LMNA: variants seen among roughly 807,000 people sequenced by gnomAD.
LMNA encodes lamin A/C.
LMNA carries 20 observed loss-of-function variants against 70.4 expected under a neutral mutation model. The ratio of observed to expected loss-of-function variants is 0.28; its 90% CI spans 0.20 to 0.41. LMNA has a LOEUF of 0.41. LMNA is among the 10% of genes least tolerant of loss of function. The pLI is 1.00. For synonymous variants in LMNA, 339 were observed against 372.8 expected, an observed-to-expected ratio of 0.91 and a Z score of 1.04; for missense variants, 652 against 917.2, an observed-to-expected ratio of 0.71 and a Z score of 3.73.
At chr1:156,091,183 T>G (rs1004315105) in intron 3 of LMNA, 12 of 152,334 alleles carry the variant, frequency 7.9e-5, no homozygotes, top group African/African-American at 2.9e-4. Flanking sequence ...CCTGGCTTCA[T>G]GTCCAGCGCC....
upstream of LMNA, chr1:156,109,818 G>GTGTGTGTGTGTGTGTA (rs1553261281): frequency 9.3e-4 from 123 of 131,766 alleles, no homozygotes; most frequent in African/African-American, 2.7e-3. Context: ...GTGTGTGTGT[G>GTGTGTGTGTGTGTGTA]CATATATATA....
Position 156,139,518 on chromosome 1 carries a change from GGCAGGCATA to G in LMNA, c.*414_*422del. On this transcript the variant is annotated 3_prime_UTR_variant, in exon 12 of 12. Coordinates refer to ENST00000368300, the MANE Select transcript of LMNA (RefSeq NM_170707.4). ...GGACCCTGTGACATGGTGCCTGAGA[GGCAGGCATA>G]GAGGCTTCTCCGCCAGCCTCCTCTG... 7.4e-7 allele frequency: 1 copy of G among 1,349,930 alleles called. No individual in the cohort carries two copies. The highest frequency in any genetic ancestry group is 9.5e-7 in the Non-Finnish European group (1 of 1,053,562). 83.6% of individuals were successfully genotyped at this position (1,349,930 alleles called of 1,614,324 possible).
intron 2 of LMNA, among the ~76,000 whole-genome samples, chr1:156,089,152 T>G (rs1356953559): frequency 6.6e-6 from 1 of 152,106 alleles, no homozygotes; most frequent in East Asian, 1.9e-4. Context: ...AATTTTTGTA[T>G]TTTTTGTAGA....
At position 156,103,325 on chromosome 1, in the gene LMNA, T is replaced by A. The variant is rs1336210994; in HGVS notation, c.-206-11388T>A. 6.6e-6 allele frequency among the ~76,000 whole-genome samples: 1 copy of A among 152,068 alleles called. No individual in the cohort carries two copies. The highest frequency in any genetic ancestry group is 1.5e-5 in the Non-Finnish European group (1 of 67,992). ...CCAGCGATCGACCCCCAGGGAGAAG[T>A]CTTGCAGAGGAGGGTCCTCATCCTA... On this transcript the variant is annotated intron_variant, in intron 3 of 12. Coordinates refer to the LMNA transcript ENST00000368301. The surrounding 1 kb of genome is among the most constrained non-coding windows in gnomAD (Gnocchi z 4.7).
chr1:156,099,183 C>T (rs1649050786), intron 3 of LMNA, among the ~76,000 whole-genome samples: 1 of 152,096 alleles, frequency 6.6e-6, no homozygotes, highest in Non-Finnish European at 1.5e-5. Flanking sequence ...GCAATTAGGC[C>T]TTAGTTCCTT....
intron 2 of LMNA, among the ~76,000 whole-genome samples, chr1:156,087,843 A>G (rs978245456): frequency 6.6e-6 from 1 of 151,030 alleles, no homozygotes; most frequent in African/African-American, 2.4e-5. Flanking sequence ...ATGAGCCACC[A>G]TGCCCAGCCT....
intron 2 of LMNA, among the ~76,000 whole-genome samples, chr1:156,090,141 T>G (rs1046953374): frequency 2.0e-5 from 3 of 152,210 alleles, no homozygotes; most frequent in African/African-American, 7.2e-5. Flanking sequence ...TGCAAGGTAC[T>G]AACGAGATTC....
intron 2 of LMNA, among the ~76,000 whole-genome samples, chr1:156,087,046 C>G (rs981446360): frequency 6.6e-6 from 1 of 152,128 alleles, no homozygotes; most frequent in Non-Finnish European, 1.5e-5. Context: ...CTTGCCCCTC[C>G]TTAGCCCTAT....
At position 156,120,766 on chromosome 1, in the gene LMNA, T is replaced by TGATC. The variant is rs1299673855; in HGVS notation, c.356+5496_356+5499dup. Among the ~76,000 whole-genome samples the TGATC allele has an allele frequency of 6.6e-5, 10 of 152,236 alleles. No homozygotes were observed. In the East Asian group the frequency reaches 1.9e-3, roughly 29 times the overall value. ...CTGTCCTGCAGGGCCTGTTAGCATA[T>TGATC]GATCGATAGCCTTTGCTCCAGCCTA... On this transcript the variant is annotated intron_variant, in intron 1 of 11. Coordinates refer to ENST00000368300, the MANE Select transcript of LMNA (RefSeq NM_170707.4).
upstream of LMNA, among the ~76,000 whole-genome samples, chr1:156,109,982 G>A (rs1214410219): frequency 6.6e-6 from 1 of 151,872 alleles, no homozygotes; most frequent in Non-Finnish European, 1.5e-5. Flanking sequence ...TGGGTAGCTG[G>A]GACTAGAGGC....
At chr1:156,113,307 AAAACAAAC>A (rs527531139), upstream of LMNA, among the ~76,000 whole-genome samples, 9 of 151,968 alleles carry the variant, frequency 5.9e-5, no homozygotes, top group African/African-American at 2.2e-4. Flanking sequence ...TAATCTCAAA[AAAACAAAC>A]AAACAAACAA....
chr1:156,139,593 G>T lies in LMNA; in HGVS notation c.*487G>T. 2.8e-6 allele frequency: 4 copies of T among 1,407,062 alleles called. No individual in the cohort carries two copies. Among genetic ancestry groups the T allele is most frequent in the Non-Finnish European group, 3.7e-6 (4 of 1,085,970 alleles). The allele number at this position is 1,407,062 out of a possible 1,614,324, so 87.2% of individuals were successfully genotyped here. On this transcript the variant is annotated 3_prime_UTR_variant, in exon 12 of 12. Transcript: ENST00000368300. ...GCCAGGCCAGCCTCCGAGAGGGAGAGAGAGAGAGAGAGGACAGCTTGAGCC... is the reference window on the plus strand; with the variant it reads ...GCCAGGCCAGCCTCCGAGAGGGAGATAGAGAGAGAGAGGACAGCTTGAGCC...
chr1:156,091,879 C>CT (rs1339938975), intron 3 of LMNA, among the ~76,000 whole-genome samples: 2 of 151,974 alleles, frequency 1.3e-5, no homozygotes, highest in Admixed American at 1.3e-4. Context: ...GTCATGCTAT[C>CT]TGGCCAGGAC....
At position 156,135,976 on chromosome 1, in the gene LMNA, C is replaced by T; in HGVS notation, c.1012C>T (p.Leu338=). ...TGAGCGGGACACCAGCCGGCGGCTG[C>T]TGGCGGAAAAGGAGCGGGAGATGGC... is the stretch of plus-strand genomic sequence containing the variant. The part of the protein sequence containing the change: ...ARERDTSRRL[L]AEKEREMAEM... The change falls in exon 6 of 12, where the codon CTG becomes TTG. Residue 338 remains leucine, a synonymous_variant. Coordinates refer to ENST00000368300, the MANE Select transcript of LMNA (RefSeq NM_170707.4). The surrounding 1 kb of genome is among the most constrained non-coding windows in gnomAD (Gnocchi z 4.8). The T allele has an allele frequency of 2.5e-6, 4 of 1,614,072 alleles. No individual in the cohort carries two copies. The highest frequency in any genetic ancestry group is 3.4e-6 in the Non-Finnish European group (4 of 1,180,018).
rs1404784594 is a variant in LMNA at position 156,103,503 on chromosome 1, T to G, written c.-206-11210T>G. 1.3e-5 allele frequency among the ~76,000 whole-genome samples: 2 copies of G among 151,834 alleles called. No individual in the cohort carries two copies. Among genetic ancestry groups the G allele is most frequent in the Admixed American group, 6.6e-5 (1 of 15,258 alleles). On this transcript the variant is annotated intron_variant, in intron 3 of 12. Coordinates refer to the LMNA transcript ENST00000368301. The surrounding 1 kb of genome is among the most constrained non-coding windows in gnomAD (Gnocchi z 4.7). ...GCTGAGGCTCAGCCAGGAAAATGGG[T>G]GGGAACCTTAAGGATGGTGGGCAGA...
chr1:156,116,786 A>G lies in LMNA; in HGVS notation c.356+1512A>G, dbSNP rs1183387741. Among the ~76,000 whole-genome samples the G allele has an allele frequency of 4.6e-5, 7 of 150,550 alleles. No homozygotes were observed. In the East Asian group the frequency reaches 1.4e-3, roughly 29 times the overall value. Reference sequence around the variant, plus strand: ...TCCATGTTCGTCAGGCTAGTCTTGAACTCCCAACCTCAGGTGATCCACCCG... The same window carrying G: ...TCCATGTTCGTCAGGCTAGTCTTGAGCTCCCAACCTCAGGTGATCCACCCG... On this transcript the variant is annotated intron_variant, in intron 1 of 11. Coordinates refer to ENST00000368300, the MANE Select transcript of LMNA (RefSeq NM_170707.4).
chr1:156,108,100 A>G (rs1414679130), intron 3 of LMNA, among the ~76,000 whole-genome samples: 1 of 152,138 alleles, frequency 6.6e-6, no homozygotes, highest in Non-Finnish European at 1.5e-5. Context: ...AAATGCAGAT[A>G]ATAATACCTA....
At position 156,089,492 on chromosome 1, in the gene LMNA, T is replaced by C. The variant is rs571161173; in HGVS notation, c.-318-979T>C. 5.9e-5 allele frequency among the ~76,000 whole-genome samples: 9 copies of C among 151,698 alleles called. No individual in the cohort carries two copies. The South Asian group carries it at 8.3e-4, about 14-fold the overall frequency. Reference sequence around the variant, plus strand: ...TGTATTTTTAGTAGAGACGGGGTTTTACCATGTTGGTCAGGCTGGTCTCGA... The same window carrying C: ...TGTATTTTTAGTAGAGACGGGGTTTCACCATGTTGGTCAGGCTGGTCTCGA... On this transcript the variant is annotated intron_variant, in intron 2 of 12. Transcript: ENST00000368301.
intron 3 of LMNA, among the ~76,000 whole-genome samples, chr1:156,106,354 G>A (rs1282164377): frequency 1.3e-5 from 2 of 152,254 alleles, no homozygotes; most frequent in East Asian, 1.9e-4. Flanking sequence ...TCCTGGAGTT[G>A]TGGCGCTTCT....
Sources: gnomAD v4.1 joint callset for allele counts (sites outside exome capture counted in the v4.1 genomes callset) on GRCh38, gnomAD v4.1.1 for gene constraint, Gnocchi (gnomAD v3.1) non-coding constraint, MANE v1.5 for transcripts, NCBI Gene and HGNC (gene_info 2026-07-23, HGNC 2026-07-21) for gene names.